NBAS: variants seen among roughly 807,000 people sequenced by gnomAD.
NBAS encodes the protein NBAS subunit of NRZ tethering complex.
In NBAS, 219 loss-of-function variants were observed where a neutral mutation model predicts 302.5. The ratio of observed to expected loss-of-function variants is 0.72; its 90% CI spans 0.65 to 0.81. The LOEUF (loss-of-function observed/expected upper bound fraction) is 0.81. Ranked by LOEUF, NBAS falls within the 30% of genes least tolerant of loss-of-function variation. The pLI is 0.00. For synonymous variants in NBAS, 1,118 were observed against 1,021.6 expected (o/e 1.09, Z -1.80); for missense variants, 2,932 against 2,841.6 (o/e 1.03, Z -0.72).
At chr2:15,505,578 G>T (rs1260468290) in intron 10 of NBAS, among the ~76,000 whole-genome samples, 1 of 152,020 alleles carries the variant, frequency 6.6e-6, no homozygotes, top group Non-Finnish European at 1.5e-5. Context: ...AAACAAAACC[G>T]AAAAAATCTG....
intron 18 of NBAS, 108 bp from the exon 19 acceptor site, chr2:15,467,515 G>C (rs2148572397): frequency 7.8e-7 from 1 of 1,282,870 alleles, no homozygotes; most frequent in East Asian, 2.4e-5. Context: ...TCATGAAACA[G>C]TTCAGAAAAG....
At chr2:15,538,460 T>C in intron 7 of NBAS, 1 of 300,338 alleles carries the variant, frequency 3.3e-6, no homozygotes, top group African/African-American at 2.2e-5. Flanking sequence ...ACAATATTAA[T>C]ACCCAGGCCC....
At chr2:14,999,593 T>C in the NBAS span, among the ~76,000 whole-genome samples, 2 of 152,276 alleles carry the variant, frequency 1.3e-5, no homozygotes, top group South Asian at 2.1e-4. Context: ...TGGGAAGACA[T>C]GCTTGCTTCC....
At position 15,232,975 on chromosome 2, in the gene NBAS, C is replaced by A. The variant is rs11886855; in HGVS notation, c.6147-464G>T. ...AATGCAACATCCTATGAGACAAGTACTATTATTATGCCCATTTTACAGATG... is the reference window on the plus strand; with the variant it reads ...AATGCAACATCCTATGAGACAAGTAATATTATTATGCCCATTTTACAGATG... On this transcript the variant is annotated intron_variant, in intron 46 of 51. Transcript: ENST00000281513. Among the ~76,000 whole-genome samples the A allele has an allele frequency of 9.0e-3, 1,367 of 151,764 alleles. 17 individuals are homozygous for A. The highest frequency in any genetic ancestry group is 0.031 in the African/African-American group (1,294 of 41,398).
intron 6 of NBAS, among the ~76,000 whole-genome samples, chr2:15,549,423 T>C (rs1394090227): frequency 6.6e-6 from 1 of 152,042 alleles, no homozygotes; most frequent in Non-Finnish European, 1.5e-5. Flanking sequence ...AGTACACAAG[T>C]GGAATAAAAG....
chr2:14,879,877 C>G, the NBAS span, among the ~76,000 whole-genome samples: 1 of 152,114 alleles, frequency 6.6e-6, no homozygotes, highest in Admixed American at 6.5e-5. Flanking sequence ...ACATCATGCT[C>G]AGAAAAAGAC....
chr2:15,147,331 T>C, the NBAS span, among the ~76,000 whole-genome samples: 1 of 152,090 alleles, frequency 6.6e-6, no homozygotes, highest in Non-Finnish European at 1.5e-5. Flanking sequence ...TGGTGGCTCA[T>C]ACCTGTAATC....
the NBAS span, among the ~76,000 whole-genome samples, chr2:14,986,014 A>G: frequency 6.6e-6 from 1 of 152,194 alleles, no homozygotes; most frequent in African/African-American, 2.4e-5. Flanking sequence ...GAGCCACATG[A>G]GTAGTTGAAA....
Position 15,441,218 on chromosome 2 carries a change from G to T in NBAS, c.2340-13424C>A, listed in dbSNP as rs1292050852. Among the ~76,000 whole-genome samples, 17 of 152,230 alleles carry T rather than the reference G, an allele frequency of 1.1e-4. No homozygotes were observed. The East Asian group carries it at 3.3e-3, about 29-fold the overall frequency. Reference sequence around the variant, plus strand: ...ACACATAATTGTCAGATTCACCAAAGTTGAAATGAAGGAAAAAATGTTAAG... The same window carrying T: ...ACACATAATTGTCAGATTCACCAAATTTGAAATGAAGGAAAAAATGTTAAG... On this transcript the variant is annotated intron_variant, in intron 21 of 51. Coordinates refer to ENST00000281513, the MANE Select transcript of NBAS (RefSeq NM_015909.4).
chr2:14,865,898 C>T, the NBAS span, among the ~76,000 whole-genome samples: 3 of 152,196 alleles, frequency 2.0e-5, no homozygotes, highest in South Asian at 6.2e-4. Context: ...AACTCTTAAC[C>T]AACAAGATCA....
At chr2:15,254,125 G>A (rs1335719240) in intron 44 of NBAS, among the ~76,000 whole-genome samples, 1 of 151,884 alleles carries the variant, frequency 6.6e-6, no homozygotes, top group Non-Finnish European at 1.5e-5. Context: ...TTGTAGACTG[G>A]CCTTCTGAGA....
At chr2:15,038,794 C>T in the NBAS span, among the ~76,000 whole-genome samples, 1 of 152,184 alleles carries the variant, frequency 6.6e-6, no homozygotes, top group African/African-American at 2.4e-5. Flanking sequence ...TAATTTGGCC[C>T]GTAGCCACTC....
chr2:15,074,044 C>A, the NBAS span, among the ~76,000 whole-genome samples: 3 of 151,998 alleles, frequency 2.0e-5, no homozygotes, highest in African/African-American at 7.2e-5. Flanking sequence ...AAGACTAACA[C>A]CAGATATGAA....
chr2:14,796,871 G>A, the NBAS span, among the ~76,000 whole-genome samples: 1 of 145,166 alleles, frequency 6.9e-6, no homozygotes, highest in Non-Finnish European at 1.5e-5. Flanking sequence ...ACTCGAGATG[G>A]AGACCATCCT....
chr2:15,039,079 A>G, the NBAS span, among the ~76,000 whole-genome samples: 43 of 152,148 alleles, frequency 2.8e-4, no homozygotes, highest in Admixed American at 2.7e-3. Context: ...GTGGACATAA[A>G]TCTGAATACA....
the NBAS span, among the ~76,000 whole-genome samples, chr2:15,111,313 A>G: frequency 1.3e-5 from 2 of 151,996 alleles, no homozygotes; most frequent in African/African-American, 2.4e-5. Flanking sequence ...CCATGTAAAA[A>G]CCTCTACAAC....
intron 9 of NBAS, among the ~76,000 whole-genome samples, chr2:15,514,037 C>A (rs1364791891): frequency 6.6e-6 from 1 of 152,080 alleles, no homozygotes; most frequent in Non-Finnish European, 1.5e-5. Context: ...AAGATACTGA[C>A]AGATTACTGT....
At chr2:14,895,467 T>C in the NBAS span, among the ~76,000 whole-genome samples, 1 of 152,016 alleles carries the variant, frequency 6.6e-6, no homozygotes, top group Non-Finnish European at 1.5e-5. Context: ...GGCAGGGCAC[T>C]GTGGCTCACG....
chr2:14,882,325 C>T, the NBAS span, among the ~76,000 whole-genome samples: 1 of 144,760 alleles, frequency 6.9e-6, no homozygotes, highest in African/African-American at 2.7e-5. Context: ...ACCACTTCCC[C>T]AGATCCACAC....
Sources: gnomAD v4.1 joint callset for allele counts (sites outside exome capture counted in the v4.1 genomes callset) on GRCh38, gnomAD v4.1.1 for gene constraint, MANE v1.5 for transcripts, NCBI Gene and HGNC (gene_info 2026-07-23, HGNC 2026-07-21) for gene names.